Variants in FAM3B observed in about 807,000 individuals in gnomAD.
The protein encoded by FAM3B is FAM3 metabolism regulating signaling molecule B, also known as protein FAM3B.
Under a neutral mutation model 28.4 loss-of-function variants are expected in FAM3B, and 29 were observed. The ratio of observed to expected loss-of-function variants is 1.02; its 90% confidence interval spans 0.76 to 1.39. FAM3B has a LOEUF of 1.39. FAM3B is among the 40% of genes most tolerant of loss of function. The pLI is 0.00. For missense variants in FAM3B, 266 were observed against 293.9 expected (o/e 0.91, Z 0.69); for synonymous variants, 91 against 103.0 (o/e 0.88, Z 0.71).
chr21:41,345,623 G>A, intron 4 of FAM3B, 63 bp from the exon 5 acceptor site: 1 of 951,438 alleles, frequency 1.1e-6, no homozygotes, highest in Admixed American at 2.7e-5. Context: ...CCAGGCCCTG[G>A]TGCCACAAGT....
At chr21:41,352,899 G>A (rs971184849) in intron 7 of FAM3B, among the ~76,000 whole-genome samples, 1 of 152,124 alleles carries the variant, frequency 6.6e-6, no homozygotes, top group Non-Finnish European at 1.5e-5. Context: ...AAAAGTAATT[G>A]CACCAACTTA....
At position 41,357,680 on chromosome 21, in the gene FAM3B, C is replaced by A. The variant is rs1054462819; in HGVS notation, c.*483C>A. Among the ~76,000 whole-genome samples, 11 of 152,190 alleles carry A rather than the reference C, an allele frequency of 7.2e-5. No individual in the cohort carries two copies. Among genetic ancestry groups the A allele is most frequent in the Non-Finnish European group, 1.6e-4 (11 of 68,040 alleles). ...TCAACTCAACTTGAGCTCTTGAACT[C>A]CTCCTGTGGGCCTGTGAATGTATTC... is the stretch of plus-strand genomic sequence containing the variant. On this transcript the variant is annotated 3_prime_UTR_variant, in exon 8 of 8. Coordinates refer to ENST00000357985, the MANE Select transcript of FAM3B (RefSeq NM_058186.4).
chr21:41,346,570 G>A (rs1055018114), intron 5 of FAM3B, among the ~76,000 whole-genome samples: 7 of 152,154 alleles, frequency 4.6e-5, no homozygotes, highest in African/African-American at 1.7e-4. Flanking sequence ...AGTGGTCGTG[G>A]TGTGGGTGTG....
At chr21:41,353,216 A>G (rs2089137330) in intron 7 of FAM3B, among the ~76,000 whole-genome samples, 1 of 152,246 alleles carries the variant, frequency 6.6e-6, no homozygotes, top group Non-Finnish European at 1.5e-5. Flanking sequence ...TAATATTGTT[A>G]AGATGTCAAT....
chr21:41,312,236 T>G (rs1255553024), upstream of FAM3B, among the ~76,000 whole-genome samples: 3 of 152,250 alleles, frequency 2.0e-5, no homozygotes, highest in African/African-American at 7.2e-5. Context: ...TTAAAATTAA[T>G]TGCTCTATCT....
intron 7 of FAM3B, among the ~76,000 whole-genome samples, chr21:41,355,857 A>G (rs1031320812): frequency 2.7e-4 from 41 of 152,172 alleles, no homozygotes; most frequent in African/African-American, 9.9e-4. Context: ...AAGCTGTTAT[A>G]TAAAAAGGGA....
chr21:41,330,134 G>GAAAAAAAAAAAAAA (rs3037004), intron 2 of FAM3B, among the ~76,000 whole-genome samples: 1 of 138,774 alleles, frequency 7.2e-6, no homozygotes. Context: ...GTCTGTATAG[G>GAAAAAAAAAAAAAA]AAAAAAAAAA....
At chr21:41,325,446 A>G (rs1021394542) in intron 2 of FAM3B, among the ~76,000 whole-genome samples, 1 of 152,180 alleles carries the variant, frequency 6.6e-6, no homozygotes, top group Non-Finnish European at 1.5e-5. Context: ...GTGACTTTGC[A>G]TGGATCTCCT....
chr21:41,332,619 G>A (rs763128619), intron 2 of FAM3B, among the ~76,000 whole-genome samples: 2 of 152,148 alleles, frequency 1.3e-5, no homozygotes, highest in Non-Finnish European at 2.9e-5. Context: ...TAATTGGTTG[G>A]TAAAATTCAG....
At chr21:41,317,550 C>T (rs1005529409) in intron 1 of FAM3B, among the ~76,000 whole-genome samples, 3 of 152,134 alleles carry the variant, frequency 2.0e-5, no homozygotes, top group African/African-American at 7.2e-5. Flanking sequence ...TGTCCACTGC[C>T]CTGGCCTCTG....
intron 7 of FAM3B, among the ~76,000 whole-genome samples, chr21:41,350,278 G>T (rs1001237798): frequency 1.3e-5 from 2 of 152,136 alleles, no homozygotes; most frequent in African/African-American, 4.8e-5. Flanking sequence ...CGAATACTGG[G>T]TCCCCATCTC....
chr21:41,318,052 T>C (rs7276590), intron 1 of FAM3B, among the ~76,000 whole-genome samples: 3,243 of 152,266 alleles, frequency 0.021, 107 homozygotes, highest in African/African-American at 0.068. Flanking sequence ...TGGTGACTTA[T>C]GGACAATACT....
intron 1 of FAM3B, among the ~76,000 whole-genome samples, chr21:41,319,138 C>T (rs186702286): frequency 6.6e-4 from 101 of 152,266 alleles, no homozygotes; most frequent in Non-Finnish European, 1.0e-3. Flanking sequence ...GTTGAACTCC[C>T]GGGTTCCTTA....
intron 1 of FAM3B, among the ~76,000 whole-genome samples, chr21:41,311,072 A>G (rs1452448012): frequency 6.6e-6 from 1 of 151,060 alleles, no homozygotes; most frequent in East Asian, 1.9e-4. Context: ...TCAGCCAGGC[A>G]GTCTAAAGCA....
chr21:41,309,289 A>C (rs2088697829), intron 1 of FAM3B, among the ~76,000 whole-genome samples: 1 of 152,190 alleles, frequency 6.6e-6, no homozygotes, highest in African/African-American at 2.4e-5. Flanking sequence ...AATGGACCAT[A>C]ATAGCTTCAG....
At chr21:41,335,351 C>G (rs889163518) in intron 2 of FAM3B, among the ~76,000 whole-genome samples, 1 of 152,216 alleles carries the variant, frequency 6.6e-6, no homozygotes, top group Admixed American at 6.5e-5. Flanking sequence ...ATTTTGCTCC[C>G]TGTTGTTGGA....
At chr21:41,355,638 CCA>C (rs1346828786) in intron 7 of FAM3B, among the ~76,000 whole-genome samples, 1 of 152,042 alleles carries the variant, frequency 6.6e-6, no homozygotes, top group African/African-American at 2.4e-5. Context: ...ATGAGAAAAT[CCA>C]CAGAGTCAGA....
At chr21:41,348,016 T>C (rs1401309405) in intron 6 of FAM3B, among the ~76,000 whole-genome samples, 1 of 152,216 alleles carries the variant, frequency 6.6e-6, no homozygotes, top group Admixed American at 6.5e-5. Context: ...TGAAGTTCCT[T>C]GGCACATACT....
intron 2 of FAM3B, among the ~76,000 whole-genome samples, chr21:41,328,188 G>C (rs536901896): frequency 1.3e-5 from 2 of 152,176 alleles, no homozygotes; most frequent in Non-Finnish European, 2.9e-5. Flanking sequence ...AGGGGAGCGC[G>C]GGCTCCAGGG....
Sources: allele counts gnomAD v4.1 joint callset (sites outside exome capture counted in the v4.1 genomes callset), GRCh38; gene constraint gnomAD v4.1.1; transcripts MANE v1.5; gene names NCBI Gene and HGNC (gene_info 2026-07-23, HGNC 2026-07-21).